Variants in EYA1 observed in about 807,000 individuals in gnomAD.
EYA1 encodes the protein protein phosphatase EYA1.
Under a neutral mutation model 82.0 loss-of-function variants are expected in EYA1, and 16 were observed. The ratio of observed to expected loss-of-function variants is 0.20; its 90% CI spans 0.13 to 0.30. EYA1 has a LOEUF of 0.30. EYA1 is among the 10% of genes least tolerant of loss of function. The pLI is 1.00. For synonymous variants in EYA1, 261 were observed against 264.4 expected (o/e 0.99, Z 0.12); for missense variants, 633 against 730.7 (o/e 0.87, Z 1.54).
chr8:71,355,467 C>G lies in EYA1; in HGVS notation c.-4-558G>C, dbSNP rs996681335. 3.3e-5 allele frequency among the ~76,000 whole-genome samples: 5 copies of G among 152,268 alleles called. No individual in the cohort carries two copies. In the South Asian group the frequency reaches 1.0e-3, roughly 32 times the overall value. On this transcript the variant is annotated intron_variant, in intron 2 of 17. Coordinates refer to ENST00000340726, the MANE Select transcript of EYA1 (RefSeq NM_000503.6). ...TCTAGTGACAGGGAATGAGATAGTC[C>G]TGATGCATGTGTTTACTCTGGCAAA... is the stretch of plus-strand genomic sequence containing the variant.
intron 2 of EYA1, among the ~76,000 whole-genome samples, chr8:71,396,532 C>T (rs541446984): frequency 7.5e-4 from 114 of 152,260 alleles, no homozygotes; most frequent in African/African-American, 2.7e-3. Flanking sequence ...TTTATTTCTG[C>T]CTTCATTTCG....
chr8:71,484,403 A>C (rs1358370740), intron 2 of EYA1, among the ~76,000 whole-genome samples: 1 of 152,226 alleles, frequency 6.6e-6, no homozygotes, highest in Non-Finnish European at 1.5e-5. Flanking sequence ...GGCAAAGGTT[A>C]GGTATTTCTC....
intron 2 of EYA1, 56 bp downstream of exon 2, chr8:71,356,406 A>C: frequency 1.4e-6 from 2 of 1,432,790 alleles, no homozygotes; most frequent in South Asian, 2.5e-5. Flanking sequence ...ACAAAAATAG[A>C]TATGGGTCAC....
rs1563470967 is a variant in EYA1 at position 71,326,439 on chromosome 8, A to AATGTTG, written c.203-4172_203-4171insCAACAT. ...TCTCATTTATCACTCTGTTCCAGTCACCAATGTTGTGGCAAACAGAAGAAG... is the reference window on the plus strand; with the variant it reads ...TCTCATTTATCACTCTGTTCCAGTCAATGTTGCCAATGTTGTGGCAAACAGAAGAAG... On this transcript the variant is annotated intron_variant, in intron 4 of 17. Transcript: ENST00000340726. 5.5e-3 allele frequency among the ~76,000 whole-genome samples: 830 copies of AATGTTG among 152,178 alleles called. 9 individuals are homozygous for AATGTTG. The highest frequency in any genetic ancestry group is 0.017 in the African/African-American group (723 of 41,492).
At chr8:71,520,219 C>T (rs1047644093) in intron 2 of EYA1, among the ~76,000 whole-genome samples, 5 of 151,498 alleles carry the variant, frequency 3.3e-5, no homozygotes, top group Admixed American at 6.6e-5. Context: ...ATTGGCCCCC[C>T]CCTCCACTGA....
intron 2 of EYA1, among the ~76,000 whole-genome samples, chr8:71,448,448 C>T (rs1807079586): frequency 1.3e-5 from 2 of 152,028 alleles, no homozygotes; most frequent in African/African-American, 4.8e-5. Context: ...TTCTATTTCT[C>T]TTCCTATTTC....
At chr8:71,312,862 A>G (rs955801009) in intron 7 of EYA1, among the ~76,000 whole-genome samples, 7 of 152,246 alleles carry the variant, frequency 4.6e-5, no homozygotes, top group Admixed American at 4.6e-4. Flanking sequence ...ATTTTGTTGT[A>G]TGGGCACTAG....
chr8:71,387,705 A>G (rs559720816), intron 2 of EYA1, among the ~76,000 whole-genome samples: 15 of 152,270 alleles, frequency 9.9e-5, no homozygotes, highest in African/African-American at 3.4e-4. Flanking sequence ...TTTAGAAAAC[A>G]TGCCACATAC....
At chr8:71,481,654 G>A (rs1017525213) in intron 2 of EYA1, among the ~76,000 whole-genome samples, 1 of 152,194 alleles carries the variant, frequency 6.6e-6, no homozygotes, top group Non-Finnish European at 1.5e-5. Context: ...ATATGCAGCT[G>A]TAAAGCAAGT....
chr8:71,384,474 T>C (rs760008239), intron 2 of EYA1, among the ~76,000 whole-genome samples: 11 of 152,190 alleles, frequency 7.2e-5, no homozygotes, highest in Non-Finnish European at 1.6e-4. Flanking sequence ...AGAAGCCCTT[T>C]GTTTGTACAG....
At chr8:71,546,692 C>T (rs1467457595) in intron 1 of EYA1, among the ~76,000 whole-genome samples, 2 of 151,938 alleles carry the variant, frequency 1.3e-5, no homozygotes, top group African/African-American at 2.4e-5. Context: ...TTAGTAGAGA[C>T]GGGGCTTCAC....
In EYA1 at chr8:71,334,353, CT is replaced by C. The variant is rs1563486869; in HGVS notation, c.125-180del. 5.9e-6 allele frequency: 4 copies of C among 674,974 alleles called. 1 individual carries two copies. In the East Asian group the frequency reaches 1.1e-4, roughly 19 times the overall value. The allele number at this position is 674,974 out of a possible 1,614,324, so 41.8% of individuals were successfully genotyped here. ...TTTAAAAAAATTCACATATTAAGTTCTTTCCCCTTAGGAAACAATCTATTGT... is the reference window on the plus strand; with the variant it reads ...TTTAAAAAAATTCACATATTAAGTTCTTCCCCTTAGGAAACAATCTATTGT... On this transcript the variant is annotated intron_variant, in intron 3 of 17. Coordinates refer to ENST00000340726, the MANE Select transcript of EYA1 (RefSeq NM_000503.6).
At chr8:71,377,262 T>C (rs1390056663) in intron 2 of EYA1, among the ~76,000 whole-genome samples, 2 of 152,170 alleles carry the variant, frequency 1.3e-5, no homozygotes, top group Admixed American at 1.3e-4. Context: ...AGTCGCAGCC[T>C]ACCAGCCATC....
intron 17 of EYA1, among the ~76,000 whole-genome samples, chr8:71,203,348 A>G (rs1037843617): frequency 6.6e-6 from 1 of 152,206 alleles, no homozygotes; most frequent in Non-Finnish European, 1.5e-5. Context: ...CAATGCCAAG[A>G]GCTGACCAGC....
intron 12 of EYA1, among the ~76,000 whole-genome samples, chr8:71,240,268 C>CTTT (rs35098983): frequency 7.0e-6 from 1 of 143,086 alleles, no homozygotes; most frequent in African/African-American, 2.6e-5. Context: ...TGCCCCAGGC[C>CTTT]TTTTTTTTTT....
intron 3 of EYA1, among the ~76,000 whole-genome samples, chr8:71,337,718 G>A (rs1214608434): frequency 6.6e-6 from 1 of 152,182 alleles, no homozygotes; most frequent in Admixed American, 6.5e-5. Flanking sequence ...TATAAAGTAG[G>A]AGCTAAAACT....
intron 11 of EYA1, among the ~76,000 whole-genome samples, chr8:71,252,571 C>T (rs531356392): frequency 3.5e-4 from 53 of 152,218 alleles, no homozygotes; most frequent in African/African-American, 1.0e-3. Context: ...TTAAACTAGA[C>T]GATGCAACAT....
At chr8:71,386,970 G>T (rs1828999893) in intron 2 of EYA1, among the ~76,000 whole-genome samples, 1 of 152,166 alleles carries the variant, frequency 6.6e-6, no homozygotes, top group Non-Finnish European at 1.5e-5. Flanking sequence ...TTGAGCAGAT[G>T]GGGGATTAGC....
intron 3 of EYA1, among the ~76,000 whole-genome samples, chr8:71,340,947 A>C (rs776586112): frequency 2.6e-5 from 4 of 152,324 alleles, no homozygotes; most frequent in Admixed American, 6.5e-5. Context: ...AATTCAAAAC[A>C]CTGTTTATGC....
Sources: allele counts gnomAD v4.1 joint callset (sites outside exome capture counted in the v4.1 genomes callset), GRCh38; gene constraint gnomAD v4.1.1; transcripts MANE v1.5; gene names NCBI Gene and HGNC (gene_info 2026-07-23, HGNC 2026-07-21).